ADAMTSL1: variants seen among roughly 807,000 people sequenced by gnomAD.
ADAMTSL1 encodes the protein ADAMTS-like protein 1.
In ADAMTSL1, 126 loss-of-function variants were observed where a neutral mutation model predicts 201.8. The ratio of observed to expected loss-of-function variants is 0.62; its 90% CI spans 0.54 to 0.72. The LOEUF (loss-of-function observed/expected upper bound fraction) is 0.72. Ranked by LOEUF, ADAMTSL1 falls within the 30% of genes least tolerant of loss-of-function variation. The pLI is 0.00. For synonymous variants in ADAMTSL1, 1,121 were observed against 903.4 expected (o/e 1.24, Z -4.32); for missense variants, 2,679 against 2,277.8 (o/e 1.18, Z -3.59).
At chr9:18,303,251 CT>C (rs1271441306) in intron 2 of ADAMTSL1, among the ~76,000 whole-genome samples, 3 of 152,168 alleles carry the variant, frequency 2.0e-5, no homozygotes, top group Non-Finnish European at 4.4e-5. Flanking sequence ...GTAATAATTT[CT>C]TTTTAAAGAG....
At chr9:18,619,922 G>A (rs538842530) in intron 4 of ADAMTSL1, among the ~76,000 whole-genome samples, 1 of 151,638 alleles carries the variant, frequency 6.6e-6, no homozygotes, top group South Asian at 2.1e-4. Context: ...CAATAGTAGA[G>A]TCAATAATGC....
chr9:18,564,181 G>A (rs1343528473), intron 3 of ADAMTSL1, among the ~76,000 whole-genome samples: 2 of 152,226 alleles, frequency 1.3e-5, no homozygotes, highest in Admixed American at 1.3e-4. Context: ...GCATTGCAAA[G>A]ACTGTGGGAA....
chr9:18,290,415 GA>G (rs1241175469), intron 2 of ADAMTSL1, among the ~76,000 whole-genome samples: 1 of 152,000 alleles, frequency 6.6e-6, no homozygotes, highest in African/African-American at 2.4e-5. Flanking sequence ...GTTCACCATA[GA>G]TCACATGGAC....
chr9:18,749,014 G>A (rs1819305051), intron 15 of ADAMTSL1, among the ~76,000 whole-genome samples: 1 of 152,170 alleles, frequency 6.6e-6, no homozygotes, highest in African/African-American at 2.4e-5. Flanking sequence ...CTCTGGCTCT[G>A]TCGTCGCATG....
chr9:18,389,007 G>A (rs138674896), intron 2 of ADAMTSL1, among the ~76,000 whole-genome samples: 123 of 151,684 alleles, frequency 8.1e-4, no homozygotes, highest in African/African-American at 2.7e-3. Flanking sequence ...CACCCTCCTC[G>A]GCCTCCCAAA....
chr9:18,032,666 C>T (rs1226629560), intron 1 of ADAMTSL1, among the ~76,000 whole-genome samples: 1 of 152,160 alleles, frequency 6.6e-6, no homozygotes, highest in Admixed American at 6.5e-5. Context: ...CTGTAGCTGC[C>T]CCTTGTAAGC....
chr9:18,403,917 G>C (rs779760428), intron 2 of ADAMTSL1, among the ~76,000 whole-genome samples: 5 of 152,110 alleles, frequency 3.3e-5, no homozygotes, highest in African/African-American at 4.8e-5. Flanking sequence ...GGGAGGGCAG[G>C]GGTTATAGTG....
intron 14 of ADAMTSL1, among the ~76,000 whole-genome samples, chr9:18,716,660 C>T (rs1196914034): frequency 6.8e-6 from 1 of 146,688 alleles, no homozygotes; most frequent in African/African-American, 2.5e-5. Context: ...CTAGTTCAAC[C>T]ATTGTGGAAG....
chr9:18,621,675 A>G (rs911185614), intron 4 of ADAMTSL1, among the ~76,000 whole-genome samples: 6 of 151,744 alleles, frequency 4.0e-5, no homozygotes, highest in African/African-American at 1.5e-4. Context: ...AAGTATTTTC[A>G]TTATTACTCA....
At chr9:18,565,963 G>A (rs1490619446) in intron 3 of ADAMTSL1, among the ~76,000 whole-genome samples, 1 of 151,958 alleles carries the variant, frequency 6.6e-6, no homozygotes, top group Non-Finnish European at 1.5e-5. Flanking sequence ...ACAAATGTCT[G>A]GCTATTTTTT....
At chr9:17,915,952 CT>C (rs1393044098) in intron 1 of ADAMTSL1, among the ~76,000 whole-genome samples, 1 of 151,794 alleles carries the variant, frequency 6.6e-6, no homozygotes, top group Non-Finnish European at 1.5e-5. Flanking sequence ...GACAGTCTTG[CT>C]CTGTTGCCCA....
At chr9:18,829,477 C>G (rs1420484991) in intron 22 of ADAMTSL1, among the ~76,000 whole-genome samples, 1 of 152,124 alleles carries the variant, frequency 6.6e-6, no homozygotes, top group African/African-American at 2.4e-5. Flanking sequence ...GTATTTAGCA[C>G]AGAACTTGGC....
At position 18,844,747 on chromosome 9, in the gene ADAMTSL1, C is replaced by T. The variant is rs568514158; in HGVS notation, c.4249+14770C>T. ...CTAAGCAAGCCTGGGCAATGGCGGG[C>T]GCCCCTCCCCCAGCCTTGCTGCCGC... On this transcript the variant is annotated intron_variant, in intron 23 of 28. Transcript: ENST00000380548. Among the ~76,000 whole-genome samples the T allele has an allele frequency of 4.9e-4, 74 of 152,272 alleles. No homozygotes were observed. In the East Asian group the frequency reaches 9.1e-3, roughly 19 times the overall value.
chr9:18,699,014 G>T (rs1429789483), intron 13 of ADAMTSL1, among the ~76,000 whole-genome samples: 1 of 152,170 alleles, frequency 6.6e-6, no homozygotes, highest in Non-Finnish European at 1.5e-5. Flanking sequence ...AAGATCCCAG[G>T]CTTTGAAAGA....
intron 2 of ADAMTSL1, among the ~76,000 whole-genome samples, chr9:18,292,699 T>G (rs1177578856): frequency 2.0e-5 from 3 of 152,198 alleles, no homozygotes; most frequent in Non-Finnish European, 4.4e-5. Flanking sequence ...ACCCCAGTTC[T>G]TCAGCTTTTG....
intron 1 of ADAMTSL1, among the ~76,000 whole-genome samples, chr9:17,930,279 C>G (rs1222189760): frequency 1.3e-5 from 2 of 152,088 alleles, no homozygotes; most frequent in East Asian, 3.9e-4. Context: ...ACATAGCTTC[C>G]AAGGTCACCC....
In ADAMTSL1 at chr9:18,116,466, G is replaced by A. The variant is rs1299531300; in HGVS notation, c.88-47396G>A. Among the ~76,000 whole-genome samples the A allele has an allele frequency of 5.9e-5, 9 of 151,986 alleles. 1 individual carries two copies. The highest frequency in any genetic ancestry group is 2.0e-4 in the Admixed American group (3 of 15,254). On this transcript the variant is annotated intron_variant, in intron 1 of 29. Transcript: ENST00000680146. ...CTGACATAAGGGCTCTTGGTTGCTG[G>A]GTTTTACTTTGCACACATATTTGCC... is the stretch of plus-strand genomic sequence containing the variant.
In ADAMTSL1 at chr9:17,946,967, G is replaced by T. The variant is rs148014494; in HGVS notation, c.87+40045G>T. Reference sequence around the variant, plus strand: ...ATCAATACCATTATAGGACACTAGGGTTGATTTACAAAATAGTTCTACAAG... The same window carrying T: ...ATCAATACCATTATAGGACACTAGGTTTGATTTACAAAATAGTTCTACAAG... On this transcript the variant is annotated intron_variant, in intron 1 of 29. Coordinates refer to the ADAMTSL1 transcript ENST00000680146. Among the ~76,000 whole-genome samples the T allele has an allele frequency of 3.6e-3, 551 of 152,104 alleles. 6 individuals carry two copies. Among genetic ancestry groups the T allele is most frequent in the African/African-American group, 0.012 (516 of 41,500 alleles).
intron 2 of ADAMTSL1, among the ~76,000 whole-genome samples, chr9:18,287,837 A>C (rs1833080199): frequency 6.6e-6 from 1 of 152,268 alleles, no homozygotes; most frequent in African/African-American, 2.4e-5. Flanking sequence ...AATCATAGTA[A>C]ATTATATTAC....
Sources: allele counts gnomAD v4.1 joint callset (sites outside exome capture counted in the v4.1 genomes callset), GRCh38; gene constraint gnomAD v4.1.1; transcripts MANE v1.5; gene names NCBI Gene and HGNC (gene_info 2026-07-23, HGNC 2026-07-21).